The following ATXN7 variants were observed in gnomAD, a reference collection of about 807,000 sequenced individuals.
ATXN7 encodes ataxin 7, also known as ataxin-7.
ATXN7 carries 12 observed loss-of-function variants against 70.5 expected under a neutral mutation model. That is an observed-to-expected ratio of 0.17 (90% CI 0.11 to 0.28). The LOEUF is 0.28. ATXN7 is among the 10% of genes least tolerant of loss of function. The pLI, the probability that ATXN7 is intolerant of heterozygous loss-of-function variation, is 1.00. For missense variants in ATXN7, 1,256 were observed against 1,131.7 expected, an observed-to-expected ratio of 1.11 and a Z score of -1.58; for synonymous variants, 498 against 448.7, an observed-to-expected ratio of 1.11 and a Z score of -1.39.
chr3:63,937,880 T>C (rs1292659204), intron 4 of ATXN7, among the ~76,000 whole-genome samples: 2 of 152,200 alleles, frequency 1.3e-5, no homozygotes, highest in Admixed American at 1.3e-4. Flanking sequence ...TTAAGAATGG[T>C]ACCTATACTA....
At chr3:63,897,551 A>C (rs1224183088) in intron 1 of ATXN7, among the ~76,000 whole-genome samples, 3 of 152,202 alleles carry the variant, frequency 2.0e-5, no homozygotes, top group African/African-American at 7.2e-5. Context: ...AAAATAAATA[A>C]AAGTTGAGCA....
At chr3:63,884,730 A>C (rs1047493296) in intron 1 of ATXN7, among the ~76,000 whole-genome samples, 5 of 151,818 alleles carry the variant, frequency 3.3e-5, no homozygotes, top group African/African-American at 1.2e-4. Flanking sequence ...GCTCACTGCA[A>C]CCTCTGTCTC....
chr3:63,912,700 G>GCCC lies in ATXN7; in HGVS notation c.103_104insCCC (p.Gln34_Gln35insPro). 15 of 1,176,582 alleles carry GCCC rather than the reference G, an allele frequency of 1.3e-5. No homozygotes were observed. Among genetic ancestry groups the GCCC allele is most frequent in the Non-Finnish European group, 1.6e-5 (15 of 945,110 alleles). The allele number at this position is 1,176,582 out of a possible 1,614,324, so 72.9% of individuals were successfully genotyped here. A position where few individuals can be genotyped will look rare whatever the true frequency, so the allele number is the denominator to read the frequency against. On this transcript the variant is annotated inframe_insertion, in exon 3 of 13. Transcript: ENST00000674280. ...CGGCCGCCCGGCAGCAGCAGCAGCAGCAGCAGCAGCAGCAGCCGCCGCCTC... is the reference window on the plus strand; with the variant it reads ...CGGCCGCCCGGCAGCAGCAGCAGCAGCCCCAGCAGCAGCAGCAGCCGCCGCCTC...
At chr3:63,888,492 A>T (rs1703154982) in intron 1 of ATXN7, among the ~76,000 whole-genome samples, 1 of 152,184 alleles carries the variant, frequency 6.6e-6, no homozygotes, top group Admixed American at 6.5e-5. Flanking sequence ...CACTAAAAAG[A>T]TCTTGGTCGG....
chr3:63,871,084 G>C (rs1272856656), intron 1 of ATXN7, among the ~76,000 whole-genome samples: 1 of 151,990 alleles, frequency 6.6e-6, no homozygotes, highest in Non-Finnish European at 1.5e-5. Context: ...TTTTTGCTTC[G>C]TTTCCTGCTT....
chr3:63,989,520 T>C (rs1286741930), intron 9 of ATXN7, among the ~76,000 whole-genome samples: 4 of 152,188 alleles, frequency 2.6e-5, no homozygotes, highest in Non-Finnish European at 5.9e-5. Context: ...ATTGAAACTA[T>C]TTGGGGAAAG....
At chr3:63,912,449 G>C (rs1704063850) in intron 2 of ATXN7, 139 bp from the exon 3 acceptor site, 1 of 392,030 alleles carries the variant, frequency 2.6e-6, no homozygotes, top group Non-Finnish European at 3.5e-6. Context: ...GGCGGGCTCG[G>C]GGGGCTGGGC....
intron 8 of ATXN7, among the ~76,000 whole-genome samples, chr3:63,984,768 T>A (rs570950984): frequency 6.6e-6 from 1 of 152,232 alleles, no homozygotes; most frequent in Non-Finnish European, 1.5e-5. Context: ...TTATGCTCAT[T>A]GATTAGTAAC....
chr3:63,949,702 G>T (rs945294857), intron 4 of ATXN7, among the ~76,000 whole-genome samples: 1 of 152,004 alleles, frequency 6.6e-6, no homozygotes, highest in African/African-American at 2.4e-5. Flanking sequence ...CTGGCCCAGG[G>T]AGCTCAGTTT....
intron 5 of ATXN7, among the ~76,000 whole-genome samples, chr3:63,959,999 G>C (rs2075100579): frequency 6.6e-6 from 1 of 152,186 alleles, no homozygotes; most frequent in Non-Finnish European, 1.5e-5. Flanking sequence ...GGAGGAGAGA[G>C]AAAAATGAAA....
intron 5 of ATXN7, among the ~76,000 whole-genome samples, chr3:63,955,105 A>C (rs2075019115): frequency 6.6e-6 from 1 of 152,212 alleles, no homozygotes; most frequent in Admixed American, 6.5e-5. Flanking sequence ...GTTGAATGAC[A>C]AAGCGTTGGT....
At chr3:63,994,860 C>T (rs1270732955) in intron 11 of ATXN7, among the ~76,000 whole-genome samples, 4 of 152,168 alleles carry the variant, frequency 2.6e-5, no homozygotes, top group Non-Finnish European at 4.4e-5. Flanking sequence ...AGATGGTTTC[C>T]GCATCCCCTA....
rs1422707015 is a variant in ATXN7, at chr3:63,982,216, T to G, written c.783T>G (p.Ile261Met). Residue 261 changes from isoleucine to methionine, a missense_variant, in exon 7 of 13, where the codon ATT becomes ATG. Coordinates refer to ENST00000674280, the MANE Select transcript of ATXN7 (RefSeq NM_001377405.1). ...CACCCTCTGTGAAAGTGGAAAAGATTCATCCGAAAATGGATGGCACACTAC... is the reference window on the plus strand; with the variant it reads ...CACCCTCTGTGAAAGTGGAAAAGATGCATCCGAAAATGGATGGCACACTAC... The part of the protein sequence containing the change: ...IMTPSVKVEK[I>M]HPKMDGTLLK... 7.4e-6 allele frequency: 12 copies of G among 1,614,136 alleles called. No individual in the cohort carries two copies. The highest frequency in any genetic ancestry group is 1.1e-5 in the South Asian group (1 of 91,078).
At chr3:63,983,481 T>C (rs1354095661) in intron 8 of ATXN7, among the ~76,000 whole-genome samples, 2 of 151,882 alleles carry the variant, frequency 1.3e-5, no homozygotes, top group East Asian at 3.9e-4. Context: ...CCCTGTTTTC[T>C]AGTTTAAAAA....
rs146184424 is a variant in ATXN7 at position 63,902,396 on chromosome 3, C to T, written c.-12+3899C>T. ...CTGGATTGCACTTGAGCCTGGGCAA[C>T]AGAGCGAGACCCTGTCTCAAAGTAA... On this transcript the variant is annotated intron_variant, in intron 2 of 12. Coordinates refer to ENST00000674280, the MANE Select transcript of ATXN7 (RefSeq NM_001377405.1). Among the ~76,000 whole-genome samples the T allele has an allele frequency of 3.9e-3, 601 of 152,188 alleles. 2 individuals carry two copies. The highest frequency in any genetic ancestry group is 0.014 in the African/African-American group (584 of 41,536).
At chr3:63,917,738 T>G (rs1704340925) in intron 4 of ATXN7, among the ~76,000 whole-genome samples, 1 of 152,244 alleles carries the variant, frequency 6.6e-6, no homozygotes, top group African/African-American at 2.4e-5. Context: ...ATTCAGCTCC[T>G]GCACACCATT....
intron 4 of ATXN7, among the ~76,000 whole-genome samples, chr3:63,916,502 C>T (rs1575890931): frequency 6.6e-6 from 1 of 152,158 alleles, no homozygotes; most frequent in Admixed American, 6.5e-5. Context: ...CCTCTTGTAA[C>T]ACATTACTTT....
intron 5 of ATXN7, among the ~76,000 whole-genome samples, chr3:63,968,751 C>T (rs544441646): frequency 2.0e-5 from 3 of 152,110 alleles, no homozygotes; most frequent in Admixed American, 6.5e-5. Flanking sequence ...TGTGTGGAGG[C>T]TGGTCTCAAT....
intron 4 of ATXN7, among the ~76,000 whole-genome samples, chr3:63,933,578 A>G (rs529303467): frequency 3.9e-5 from 6 of 152,318 alleles, no homozygotes; most frequent in Non-Finnish European, 7.3e-5. Context: ...GCCTCCCTCA[A>G]GAAAGTCTGT....
Sources: gnomAD v4.1 joint callset for allele counts (sites outside exome capture counted in the v4.1 genomes callset) on GRCh38, gnomAD v4.1.1 for gene constraint, MANE v1.5 for transcripts, NCBI Gene and HGNC (gene_info 2026-07-23, HGNC 2026-07-21) for gene names.